Variants in LPCAT1 observed in about 807,000 individuals in gnomAD.
The protein encoded by LPCAT1 is lysophosphatidylcholine acyltransferase 1.
Under a neutral mutation model 60.9 loss-of-function variants are expected in LPCAT1, and 23 were observed. The observed-to-expected ratio is 0.38, with a 90% CI of 0.27 to 0.53. The LOEUF is 0.53. Ranked by LOEUF, LPCAT1 falls within the 20% of genes least tolerant of loss-of-function variation. LPCAT1 has a pLI of 0.82. For missense variants in LPCAT1, 622 were observed against 723.6 expected, an observed-to-expected ratio of 0.86 and a Z score of 1.61; for synonymous variants, 340 against 301.1, an observed-to-expected ratio of 1.13 and a Z score of -1.34.
chr5:1,474,738 A>C, intron 9 of LPCAT1, 53 bp from the exon 10 acceptor site: 3 of 1,563,332 alleles, frequency 1.9e-6, no homozygotes, highest in Non-Finnish European at 2.6e-6. Context: ...GCCAGTTCCC[A>C]CCGCCCCACC....
chr5:1,464,612 A>AGCG, intron 13 of LPCAT1, among the ~76,000 whole-genome samples: 1 of 151,568 alleles, frequency 6.6e-6, no homozygotes, highest in African/African-American at 2.4e-5. Flanking sequence ...CACACACAAA[A>AGCG]CAAGCACACA....
intron 1 of LPCAT1, among the ~76,000 whole-genome samples, chr5:1,518,541 C>T (rs528586359): frequency 3.9e-5 from 6 of 152,342 alleles, no homozygotes; most frequent in African/African-American, 1.2e-4. Flanking sequence ...GGGGTTTCAC[C>T]GTGTTAGCCA....
chr5:1,463,636 C>T lies in LPCAT1; in HGVS notation c.*15G>A. On this transcript the variant is annotated 3_prime_UTR_variant, in exon 14 of 14. Coordinates refer to ENST00000283415, the MANE Select transcript of LPCAT1 (RefSeq NM_024830.5). ...TCCACGCGGGAGGGGCCGCGTCTCTCCGCAACCCTGGGTCCTAATCCAGCT... is the reference window on the plus strand; with the variant it reads ...TCCACGCGGGAGGGGCCGCGTCTCTTCGCAACCCTGGGTCCTAATCCAGCT... 1.2e-6 allele frequency: 2 copies of T among 1,613,414 alleles called. No individual in the cohort carries two copies. Among genetic ancestry groups the T allele is most frequent in the Non-Finnish European group, 1.7e-6 (2 of 1,179,916 alleles).
intron 1 of LPCAT1, among the ~76,000 whole-genome samples, chr5:1,514,852 C>G (rs891924194): frequency 9.9e-5 from 15 of 152,232 alleles, no homozygotes; most frequent in African/African-American, 3.6e-4. Flanking sequence ...AGCACGCTTC[C>G]CATTCAGCCC....
At chr5:1,474,186 TC>T in intron 10 of LPCAT1, 76 bp from the exon 11 acceptor site, 1 of 1,436,640 alleles carries the variant, frequency 7.0e-7, no homozygotes, top group Non-Finnish European at 9.5e-7. Context: ...CTTCTAAGAC[TC>T]ATCAAAATAT....
chr5:1,491,219 C>T (rs913634591), intron 3 of LPCAT1, among the ~76,000 whole-genome samples: 13 of 99,414 alleles, frequency 1.3e-4, no homozygotes, highest in Admixed American at 5.5e-4. Flanking sequence ...AGGACGATAT[C>T]GGAAGGGAAG....
chr5:1,479,327 A>T, intron 8 of LPCAT1: 1 of 409,860 alleles, frequency 2.4e-6, no homozygotes, highest in South Asian at 3.4e-5. Flanking sequence ...GGCTGCAGTG[A>T]GCCCATCGCT....
At chr5:1,478,280 C>T (rs62331141) in intron 8 of LPCAT1, among the ~76,000 whole-genome samples, 10,114 of 152,334 alleles carry the variant, frequency 0.066, 456 homozygotes, top group South Asian at 0.099. Flanking sequence ...TTCTCTAATA[C>T]GGAATATTTC....
At chr5:1,469,745 C>T (rs1003771883) in intron 12 of LPCAT1, among the ~76,000 whole-genome samples, 1 of 151,928 alleles carries the variant, frequency 6.6e-6, no homozygotes, top group Non-Finnish European at 1.5e-5. Context: ...TGCACCACTG[C>T]ACTCCAGCCT....
At position 1,483,319 on chromosome 5, in the gene LPCAT1, G is replaced by A. The variant is rs376164332; in HGVS notation, c.726+109C>T. On this transcript the variant is annotated intron_variant, in intron 6 of 13. Transcript: ENST00000283415. This position sits in a 1 kb window ranked among gnomAD's most constrained non-coding sequence, Gnocchi z 9.2. Reference sequence around the variant, plus strand: ...AGCATGGCCAAGTGTGGGCTGTGGCGCAGATAAAGGGTGTGGAGAGACAGA... The same window carrying A: ...AGCATGGCCAAGTGTGGGCTGTGGCACAGATAAAGGGTGTGGAGAGACAGA... 8.5e-5 allele frequency: 101 copies of A among 1,186,016 alleles called. No individual in the cohort carries two copies. In the Middle Eastern group the frequency reaches 9.5e-4, roughly 11 times the overall value. The allele number at this position is 1,186,016 out of a possible 1,614,324, so 73.5% of individuals were successfully genotyped here.
intron 1 of LPCAT1, among the ~76,000 whole-genome samples, chr5:1,517,880 C>T (rs902892282): frequency 3.3e-5 from 5 of 152,160 alleles, no homozygotes; most frequent in South Asian, 2.1e-4. Flanking sequence ...ACACGGGGGA[C>T]GAGGGGACAA....
intron 3 of LPCAT1, among the ~76,000 whole-genome samples, chr5:1,494,029 G>A (rs1000764477): frequency 1.3e-5 from 2 of 152,230 alleles, no homozygotes; most frequent in Admixed American, 6.5e-5. Flanking sequence ...CAGGGCCTTC[G>A]GCCCAGAGAC....
At position 1,521,020 on chromosome 5, in the gene LPCAT1, T is replaced by G. The variant is rs952020885; in HGVS notation, c.135+2690A>C. ...CACTTCATGACTCCAAAACGATATATGAATGTGTGACTATGAAGAACCTCA... is the reference window on the plus strand; with the variant it reads ...CACTTCATGACTCCAAAACGATATAGGAATGTGTGACTATGAAGAACCTCA... On this transcript the variant is annotated intron_variant, in intron 1 of 13. Coordinates refer to ENST00000283415, the MANE Select transcript of LPCAT1 (RefSeq NM_024830.5). This position sits in a 1 kb window ranked among gnomAD's most constrained non-coding sequence, Gnocchi z 4.3. 2.6e-5 allele frequency among the ~76,000 whole-genome samples: 4 copies of G among 151,942 alleles called. No individual in the cohort carries two copies. The highest frequency in any genetic ancestry group is 5.9e-5 in the Non-Finnish European group (4 of 68,004).
At chr5:1,478,889 CTATT>C (rs1439399619) in intron 8 of LPCAT1, among the ~76,000 whole-genome samples, 1 of 152,228 alleles carries the variant, frequency 6.6e-6, no homozygotes, top group Non-Finnish European at 1.5e-5. Flanking sequence ...ACAGAGGTGA[CTATT>C]TAGCCCAAGG....
chr5:1,517,838 A>G (rs571665212), intron 1 of LPCAT1, among the ~76,000 whole-genome samples: 74 of 152,364 alleles, frequency 4.9e-4, no homozygotes, highest in Admixed American at 1.6e-3. Flanking sequence ...CTGTTCCCAG[A>G]CAGGAGCCCC....
intron 1 of LPCAT1, among the ~76,000 whole-genome samples, chr5:1,503,486 C>T (rs560405357): frequency 1.2e-4 from 18 of 152,354 alleles, no homozygotes; most frequent in East Asian, 9.6e-4. Context: ...CTTACGGCCA[C>T]GGTCTCTCTA....
intron 1 of LPCAT1, among the ~76,000 whole-genome samples, chr5:1,517,973 A>G (rs1736556353): frequency 6.6e-6 from 1 of 152,254 alleles, no homozygotes; most frequent in Non-Finnish European, 1.5e-5. Context: ...TCCTCTTACT[A>G]AAGAAAGTGG....
intron 2 of LPCAT1, 144 bp downstream of exon 2, chr5:1,501,317 G>A (rs1579801663): frequency 8.7e-7 from 1 of 1,152,408 alleles, no homozygotes; most frequent in Non-Finnish European, 1.2e-6. Context: ...ACTGGCAGGG[G>A]GCAGCCCTGG....
At chr5:1,474,475 C>A in intron 10 of LPCAT1, 85 bp downstream of exon 10, 1 of 1,512,794 alleles carries the variant, frequency 6.6e-7, no homozygotes. Flanking sequence ...CTCAGTTCCC[C>A]TCCCTGCAAC....
Sources: gnomAD v4.1 joint callset for allele counts (sites outside exome capture counted in the v4.1 genomes callset) on GRCh38, gnomAD v4.1.1 for gene constraint, Gnocchi (gnomAD v3.1) non-coding constraint, MANE v1.5 for transcripts, NCBI Gene and HGNC (gene_info 2026-07-23, HGNC 2026-07-21) for gene names.